Variants in NPAS3 observed in about 807,000 individuals in gnomAD.
NPAS3 encodes the protein neuronal PAS domain-containing protein 3.
NPAS3 carries 14 observed loss-of-function variants against 73.1 expected under a neutral mutation model. The observed-to-expected ratio is 0.19, with a 90% CI of 0.13 to 0.30. The LOEUF is 0.30. Among genes scored for constraint, NPAS3 ranks in the 10% least tolerant of loss-of-function variants. The pLI is 1.00. For synonymous variants in NPAS3, 620 were observed against 541.5 expected (o/e 1.14, Z -2.01); for missense variants, 1,096 against 1,250.0 (o/e 0.88, Z 1.86).
chr14:33,512,511 C>T (rs1472901072), intron 4 of NPAS3, among the ~76,000 whole-genome samples: 1 of 152,138 alleles, frequency 6.6e-6, no homozygotes, highest in Non-Finnish European at 1.5e-5. Context: ...AATGTTATAA[C>T]AAATGGTTCA....
At chr14:33,771,134 T>C (rs2062637847) in intron 7 of NPAS3, among the ~76,000 whole-genome samples, 1 of 152,234 alleles carries the variant, frequency 6.6e-6, no homozygotes, top group East Asian at 1.9e-4. Context: ...AATTCAGCGA[T>C]CTACATGTTT....
chr14:33,011,201 A>G (rs529703054), intron 1 of NPAS3, among the ~76,000 whole-genome samples: 12 of 152,196 alleles, frequency 7.9e-5, no homozygotes, highest in Non-Finnish European at 1.6e-4. Context: ...TTCACCATGC[A>G]TTTGTATGAT....
intron 2 of NPAS3, among the ~76,000 whole-genome samples, chr14:33,145,440 T>C (rs916295731): frequency 6.6e-6 from 1 of 152,220 alleles, no homozygotes; most frequent in Non-Finnish European, 1.5e-5. Context: ...ATTAAGGTTT[T>C]GTTTTTAAAT....
At chr14:32,949,944 G>T (rs2036415831) in intron 1 of NPAS3, among the ~76,000 whole-genome samples, 1 of 151,898 alleles carries the variant, frequency 6.6e-6, no homozygotes, top group Non-Finnish European at 1.5e-5. Context: ...TCTTTGAAGA[G>T]ATTTTGGAAT....
At chr14:33,565,833 T>C (rs979794989) in intron 5 of NPAS3, among the ~76,000 whole-genome samples, 6 of 152,138 alleles carry the variant, frequency 3.9e-5, no homozygotes, top group Non-Finnish European at 7.4e-5. Flanking sequence ...AATAAATGAA[T>C]GCAAATACTG....
chr14:33,264,361 T>C (rs2049091943), intron 3 of NPAS3, among the ~76,000 whole-genome samples: 2 of 151,970 alleles, frequency 1.3e-5, no homozygotes, highest in African/African-American at 4.8e-5. Context: ...ACATAGCACA[T>C]GTATACATAT....
intron 5 of NPAS3, among the ~76,000 whole-genome samples, chr14:33,585,714 G>T (rs8016144): frequency 0.041 from 6,281 of 152,154 alleles, 280 homozygotes; most frequent in African/African-American, 0.11. Context: ...GTTCCAAAGG[G>T]TTTACCTCCT....
chr14:33,108,445 GC>G lies in NPAS3; in HGVS notation c.140+52453del, dbSNP rs1176868056. The stretch of plus-strand genomic sequence containing the variant: ...TTCACCTCATGATCCGTCTACCTCG[GC>G]CTCCCAAAGTGCTGGGATTACTGGC... On this transcript the variant is annotated intron_variant, in intron 2 of 11. Transcript: ENST00000356141. 3.3e-5 allele frequency among the ~76,000 whole-genome samples: 5 copies of G among 152,140 alleles called. No homozygotes were observed. The East Asian group carries it at 9.7e-4, about 29-fold the overall frequency.
intron 6 of NPAS3, among the ~76,000 whole-genome samples, chr14:33,696,687 T>C (rs2060391452): frequency 6.6e-6 from 1 of 152,230 alleles, no homozygotes; most frequent in African/African-American, 2.4e-5. Context: ...ACTAAATCTC[T>C]ATGTAATTTA....
At chr14:33,041,862 G>A (rs2040357818) in intron 1 of NPAS3, among the ~76,000 whole-genome samples, 1 of 152,126 alleles carries the variant, frequency 6.6e-6, no homozygotes. Flanking sequence ...TGGTTAGTTA[G>A]GCAGTCATGA....
At chr14:33,604,033 T>C (rs114169871) in intron 5 of NPAS3, among the ~76,000 whole-genome samples, 1,597 of 151,912 alleles carry the variant, frequency 0.011, 23 homozygotes, top group African/African-American at 0.036. Context: ...CAAAGAGTTA[T>C]AGCTAATAAA....
At chr14:33,293,602 C>T (rs189301506) in intron 3 of NPAS3, among the ~76,000 whole-genome samples, 54 of 152,130 alleles carry the variant, frequency 3.5e-4, no homozygotes, top group African/African-American at 1.3e-3. Flanking sequence ...CCTAATACAA[C>T]GCTGAGTAAT....
intron 3 of NPAS3, among the ~76,000 whole-genome samples, chr14:33,358,200 G>A (rs563858789): frequency 3.2e-4 from 48 of 152,300 alleles, no homozygotes; most frequent in African/African-American, 1.1e-3. Context: ...TGCGATGCAG[G>A]TGTGCACGTC....
intron 4 of NPAS3, among the ~76,000 whole-genome samples, chr14:33,501,354 A>G (rs2052504764): frequency 6.6e-6 from 1 of 151,904 alleles, no homozygotes; most frequent in African/African-American, 2.4e-5. Flanking sequence ...AGTTTGATTT[A>G]TTGTCTATTG....
At chr14:33,010,569 TAA>T (rs1017759756) in intron 1 of NPAS3, among the ~76,000 whole-genome samples, 4 of 152,208 alleles carry the variant, frequency 2.6e-5, no homozygotes, top group Non-Finnish European at 5.9e-5. Flanking sequence ...AAAATTGGCA[TAA>T]ATAAGAATTA....
intron 7 of NPAS3, among the ~76,000 whole-genome samples, chr14:33,763,170 T>C (rs2062351151): frequency 6.6e-6 from 1 of 152,158 alleles, no homozygotes; most frequent in Non-Finnish European, 1.5e-5. Context: ...AGCTCCAGCT[T>C]GCTTGAGGTC....
At chr14:33,646,551 C>G (rs1034639819) in intron 5 of NPAS3, among the ~76,000 whole-genome samples, 1 of 152,166 alleles carries the variant, frequency 6.6e-6, no homozygotes. Context: ...AAATAAGATT[C>G]ATGCACTCAT....
chr14:33,720,890 A>G (rs1162124364), intron 6 of NPAS3, among the ~76,000 whole-genome samples: 5 of 152,160 alleles, frequency 3.3e-5, no homozygotes, highest in Non-Finnish European at 5.9e-5. Flanking sequence ...GACTTCAGGA[A>G]AAAAAATAAC....
intron 1 of NPAS3, among the ~76,000 whole-genome samples, chr14:32,974,838 A>G (rs1299582634): frequency 1.3e-5 from 2 of 152,178 alleles, no homozygotes; most frequent in African/African-American, 4.8e-5. Context: ...TTTAATTATC[A>G]TGGTAGCATC....
Sources: gnomAD v4.1 joint callset for allele counts (sites outside exome capture counted in the v4.1 genomes callset) on GRCh38, gnomAD v4.1.1 for gene constraint, MANE v1.5 for transcripts, NCBI Gene and HGNC (gene_info 2026-07-23, HGNC 2026-07-21) for gene names.